The following CACNA1S variants were observed in gnomAD, a reference collection of about 807,000 sequenced individuals.
The protein encoded by CACNA1S is calcium voltage-gated channel subunit alpha1 S.
In CACNA1S, 126 loss-of-function variants were observed where a neutral mutation model predicts 207.4. The ratio of observed to expected loss-of-function variants is 0.61; its 90% confidence interval spans 0.53 to 0.70. CACNA1S has a LOEUF of 0.70. CACNA1S is among the 30% of genes least tolerant of loss of function. The pLI is 0.00. For missense variants in CACNA1S, 2,349 were observed against 2,422.8 expected, an observed-to-expected ratio of 0.97 and a Z score of 0.64; for synonymous variants, 960 against 932.7, an observed-to-expected ratio of 1.03 and a Z score of -0.53.
intron 10 of CACNA1S, among the ~76,000 whole-genome samples, chr1:201,082,751 C>T (rs554839469): frequency 1.2e-4 from 19 of 152,272 alleles, no homozygotes; most frequent in Admixed American, 1.0e-3. Flanking sequence ...GTAGGATGCA[C>T]TCAATAAATA....
intron 19 of CACNA1S, among the ~76,000 whole-genome samples, chr1:201,068,813 A>G (rs1661347948): frequency 6.6e-6 from 1 of 152,174 alleles, no homozygotes; most frequent in Non-Finnish European, 1.5e-5. Context: ...TGGAGGTTGC[A>G]GTGAGCTGAG....
rs900319991 is a variant in CACNA1S at position 201,040,049 on chromosome 1, C to T, written c.5404G>A (p.Ala1802Thr). ...GTTGCCATGATGAAGTTTGCATCAG[C>T]TGCCAAGGTGCCCAGGCCCCCTCGA... is the stretch of plus-strand genomic sequence containing the variant. The part of the protein sequence containing the change: ...LVRGGLGTLA[A>T]DANFIMATGQ... Residue 1802 changes from alanine to threonine, a missense_variant, in exon 44 of 44, where the codon GCT becomes ACT. Coordinates refer to ENST00000362061, the MANE Select transcript of CACNA1S (RefSeq NM_000069.3). 2 of 1,614,226 alleles carry T rather than the reference C, an allele frequency of 1.2e-6. No individual in the cohort carries two copies. The highest frequency in any genetic ancestry group is 8.5e-7 in the Non-Finnish European group (1 of 1,180,028).
At chr1:201,073,240 C>T (rs368953868) in intron 15 of CACNA1S, among the ~76,000 whole-genome samples, 3 of 152,178 alleles carry the variant, frequency 2.0e-5, no homozygotes, top group Non-Finnish European at 4.4e-5. Context: ...TGGTGGAAGC[C>T]GGTCTGGGCC....
At position 201,057,941 on chromosome 1, in the gene CACNA1S, C is replaced by A. The variant is rs1660903432; in HGVS notation, c.3609+467G>T. 3.3e-5 allele frequency among the ~76,000 whole-genome samples: 5 copies of A among 152,364 alleles called. 1 individual carries two copies. The highest frequency in any genetic ancestry group is 4.4e-5 in the Non-Finnish European group (3 of 68,030). On this transcript the variant is annotated intron_variant, in intron 28 of 43. Coordinates refer to ENST00000362061, the MANE Select transcript of CACNA1S (RefSeq NM_000069.3). ...GCTTAGCTCTCCAGCCTTGCCCTCTCTGTTCTCTTCTCTGCATGTTCTTAT... is the reference window on the plus strand; with the variant it reads ...GCTTAGCTCTCCAGCCTTGCCCTCTATGTTCTCTTCTCTGCATGTTCTTAT...
chr1:201,053,650 G>A lies in CACNA1S; in HGVS notation c.3667-63C>T, dbSNP rs1660737036. 1 of 1,506,850 alleles carries A rather than the reference G, an allele frequency of 6.6e-7. No individual in the cohort carries two copies. The highest frequency in any genetic ancestry group is 9.2e-7 in the Non-Finnish European group (1 of 1,084,858). 93.3% of individuals were successfully genotyped at this position (1,506,850 alleles called of 1,614,324 possible). A position where few individuals can be genotyped will look rare whatever the true frequency, so the allele number is the denominator to read the frequency against. On this transcript the variant is annotated intron_variant, in intron 29 of 43. Transcript: ENST00000362061. The surrounding 1 kb of genome is among the most constrained non-coding windows in gnomAD (Gnocchi z 5.1). Reference sequence around the variant, plus strand: ...GAACCTCAGAGGGGTAAGGGGCAGGGCGGGGAGGGAGGTGCACTGTGTGTT... The same window carrying A: ...GAACCTCAGAGGGGTAAGGGGCAGGACGGGGAGGGAGGTGCACTGTGTGTT...
Position 201,070,454 on chromosome 1 carries a change from G to T in CACNA1S, c.2228-50C>A, listed in dbSNP as rs1661408457. On this transcript the variant is annotated intron_variant, in intron 16 of 43. Coordinates refer to ENST00000362061, the MANE Select transcript of CACNA1S (RefSeq NM_000069.3). ...GGGGTGTCTTCCCATGCTTTGCTAT[G>T]CCCATGGCTTCTGTGCTCAGAGCCC... The T allele has an allele frequency of 2.5e-6, 4 of 1,610,962 alleles. No homozygotes were observed. The African/African-American group carries it at 5.3e-5, about 22-fold the overall frequency.
At chr1:201,044,251 C>T (rs1660394936) in intron 39 of CACNA1S, 77 bp downstream of exon 39, 7 of 1,585,104 alleles carry the variant, frequency 4.4e-6, no homozygotes, top group African/African-American at 1.3e-5. Context: ...TGTGGCTGGG[C>T]TCCCAGCCCT....
chr1:201,044,432 C>T lies in CACNA1S; in HGVS notation c.4693G>A (p.Glu1565Lys), dbSNP rs1480568814. 2.5e-6 allele frequency: 4 copies of T among 1,613,210 alleles called. No homozygotes were observed. The highest frequency in any genetic ancestry group is 1.3e-5 in the African/African-American group (1 of 74,892). ...IQAGLRTIEE[E>K]AAPEICRTVS... is the part of the protein sequence containing the mutation. ...GTGCGACAGATCTCGGGGGCTGCCT[C>T]TTCCTCAATGGTCCGCAGCCCTGCC... Residue 1565 changes from glutamate to lysine, a missense_variant, in exon 39 of 44, where the codon GAG becomes AAG. Transcript: ENST00000362061.
chr1:201,062,117 A>G (rs749596005), intron 23 of CACNA1S, 27 bp from the exon 24 acceptor site: 4 of 1,610,474 alleles, frequency 2.5e-6, no homozygotes, highest in Non-Finnish European at 3.4e-6. Flanking sequence ...CAGTCACTCC[A>G]CAGGGCATGG....
Position 201,040,220 on chromosome 1 carries a change from C to T in CACNA1S, c.5370+11G>A. ...AATGCAGCCACTGCTGTGACCCAGCCCCTGGCTCACCTTTTGGATCAGCAG... is the reference window on the plus strand; with the variant it reads ...AATGCAGCCACTGCTGTGACCCAGCTCCTGGCTCACCTTTTGGATCAGCAG... On this transcript the variant is annotated intron_variant, in intron 43 of 43. Transcript: ENST00000362061. 6.2e-7 allele frequency: 1 copy of T among 1,613,146 alleles called. No homozygotes were observed. Among genetic ancestry groups the T allele is most frequent in the Non-Finnish European group, 8.5e-7 (1 of 1,180,032 alleles).
rs1362149806 is a variant in CACNA1S, at chr1:201,059,251, C to T, written c.3463G>A (p.Val1155Met). 4.3e-6 allele frequency: 7 copies of T among 1,614,118 alleles called. No homozygotes were observed. The highest frequency in any genetic ancestry group is 5.9e-6 in the Non-Finnish European group (7 of 1,179,992). Residue 1155 changes from valine to methionine, a missense_variant, in exon 27 of 44, where the codon GTG becomes ATG. By Grantham distance (21) the Val-to-Met change is conservative. Transcript: ENST00000362061. ...QMNHISDILNVAFTIIFTLEM... is the reference protein window; with the variant it reads ...QMNHISDILNMAFTIIFTLEM... ...AGGGTGAAGATGATAGTGAAGGCCA[C>T]ATTGAGGATGTCTGAGATGTGGTTC... is the stretch of plus-strand genomic sequence containing the variant.
In CACNA1S at chr1:201,041,551, G is replaced by C; in HGVS notation, c.5087C>G (p.Thr1696Arg). ...YEREFPEETE[T>R]PATRGRALGQ... ...AAGGGCTCGTCCTCTGGTAGCAGGCGTCTCTGTCTCTTCTGGGAACTCCCT... is the reference window on the plus strand; with the variant it reads ...AAGGGCTCGTCCTCTGGTAGCAGGCCTCTCTGTCTCTTCTGGGAACTCCCT... The change falls in exon 41 of 44, where the codon ACG (threonine) becomes AGG (arginine). Residue 1696 changes from threonine to arginine, a missense_variant. Physicochemically the swap from Thr to Arg is moderately conservative, Grantham distance 71. Coordinates refer to ENST00000362061, the MANE Select transcript of CACNA1S (RefSeq NM_000069.3). The C allele has an allele frequency of 6.2e-7, 1 of 1,614,158 alleles. No individual in the cohort carries two copies. Among genetic ancestry groups the C allele is most frequent in the African/African-American group, 1.3e-5 (1 of 75,060 alleles).
At chr1:201,106,738 T>C (rs145206877) in intron 2 of CACNA1S, among the ~76,000 whole-genome samples, 8 of 152,280 alleles carry the variant, frequency 5.3e-5, no homozygotes, top group African/African-American at 9.6e-5. Context: ...TCCTGTGCCC[T>C]GGCCAGAGGT....
At chr1:201,062,358 C>T in intron 23 of CACNA1S, 104 bp downstream of exon 23, 1 of 1,208,890 alleles carries the variant, frequency 8.3e-7, no homozygotes, top group Non-Finnish European at 1.2e-6. Flanking sequence ...TGCCACACTC[C>T]CTGCCCCGTG....
At chr1:201,096,188 C>T (rs1662424554) in intron 2 of CACNA1S, among the ~76,000 whole-genome samples, 2 of 152,214 alleles carry the variant, frequency 1.3e-5, no homozygotes, top group Admixed American at 6.5e-5. Flanking sequence ...GATGAGGTCA[C>T]TCAGTTTCCT....
At chr1:201,040,562 A>C (rs1260479913) in intron 42 of CACNA1S, 60 bp downstream of exon 42, 34 of 1,518,076 alleles carry the variant, frequency 2.2e-5, no homozygotes, top group Non-Finnish European at 3.1e-5. Context: ...TCCCACTCCA[A>C]GTATCAGGCC....
intron 33 of CACNA1S, 117 bp downstream of exon 33, chr1:201,050,867 C>T (rs1572026115): frequency 1.0e-5 from 11 of 1,099,790 alleles, no homozygotes; most frequent in South Asian, 2.5e-5. Flanking sequence ...GAGCCTCCTG[C>T]GTCCCCGAGA....
intron 28 of CACNA1S, among the ~76,000 whole-genome samples, chr1:201,058,065 C>T (rs1212466081): frequency 6.6e-6 from 1 of 152,240 alleles, no homozygotes; most frequent in Non-Finnish European, 1.5e-5. Flanking sequence ...TGCTTGCTCT[C>T]CTCTCCAGCT....
In CACNA1S at chr1:201,061,925, G is replaced by C. The variant is rs372276351; in HGVS notation, c.3053+19C>G. The C allele has an allele frequency of 2.5e-6, 4 of 1,613,908 alleles. No homozygotes were observed. In the African/African-American group the frequency reaches 5.3e-5, roughly 22 times the overall value. On this transcript the variant is annotated intron_variant, in intron 24 of 43. Coordinates refer to ENST00000362061, the MANE Select transcript of CACNA1S (RefSeq NM_000069.3). Reference sequence around the variant, plus strand: ...CCTGACCATGTCCATGAGGGACCTAGGCCCCAGCCATCACTCACTGAGGCC... The same window carrying C: ...CCTGACCATGTCCATGAGGGACCTACGCCCCAGCCATCACTCACTGAGGCC...
Sources: gnomAD v4.1 joint callset for allele counts (sites outside exome capture counted in the v4.1 genomes callset) on GRCh38, gnomAD v4.1.1 for gene constraint, Gnocchi (gnomAD v3.1) non-coding constraint, MANE v1.5 for transcripts, NCBI Gene and HGNC (gene_info 2026-07-23, HGNC 2026-07-21) for gene names.